Variants in GRIN2A observed in about 807,000 individuals in gnomAD.
The protein encoded by GRIN2A is glutamate ionotropic receptor NMDA type subunit 2A.
GRIN2A carries 22 observed loss-of-function variants against 113.4 expected under a neutral mutation model. The ratio of observed to expected loss-of-function variants is 0.19; its 90% CI spans 0.14 to 0.28. The LOEUF is 0.28. GRIN2A is among the 10% of genes least tolerant of loss of function. GRIN2A has a pLI of 1.00. For missense variants in GRIN2A, 1,502 were observed against 1,887.0 expected, an observed-to-expected ratio of 0.80 and a Z score of 3.78; for synonymous variants, 827 against 738.4, an observed-to-expected ratio of 1.12 and a Z score of -1.94.
intron 2 of GRIN2A, among the ~76,000 whole-genome samples, chr16:10,018,206 C>A (rs1342310087): frequency 6.6e-6 from 1 of 152,162 alleles, no homozygotes; most frequent in Non-Finnish European, 1.5e-5. Flanking sequence ...GGAGGCAAAG[C>A]AGATGCACGT....
intron 11 of GRIN2A, among the ~76,000 whole-genome samples, chr16:9,775,367 T>G (rs1596390440): frequency 6.6e-6 from 1 of 152,338 alleles, no homozygotes; most frequent in East Asian, 1.9e-4. Context: ...CATTTGTTTT[T>G]TTTCTTTACT....
At chr16:10,077,850 T>C (rs2047905333) in intron 2 of GRIN2A, among the ~76,000 whole-genome samples, 1 of 149,102 alleles carries the variant, frequency 6.7e-6, no homozygotes, top group South Asian at 2.1e-4. Context: ...CCAAATACCA[T>C]TTTTTTTGGT....
intron 11 of GRIN2A, among the ~76,000 whole-genome samples, chr16:9,796,243 A>G (rs181512382): frequency 1.1e-4 from 16 of 152,330 alleles, no homozygotes; most frequent in African/African-American, 3.9e-4. Flanking sequence ...GCCAAATGAA[A>G]TACATCTTAA....
rs2045242222 is a variant in GRIN2A at position 9,953,895 on chromosome 16, G to A, written c.415-15344C>T. ...GTGGTCCAGAGGAGTGAAGGAGGCA[G>A]AAGTAGTAAAGGGGACAGTGGAGGA... is the stretch of plus-strand genomic sequence containing the variant. On this transcript the variant is annotated intron_variant, in intron 2 of 12. Coordinates refer to ENST00000330684, the MANE Select transcript of GRIN2A (RefSeq NM_001134407.3). 3.9e-5 allele frequency among the ~76,000 whole-genome samples: 6 copies of A among 152,284 alleles called. No individual in the cohort carries two copies. In the South Asian group the frequency reaches 1.2e-3, roughly 32 times the overall value.
chr16:9,928,679 C>T (rs1447501208), intron 3 of GRIN2A, among the ~76,000 whole-genome samples: 1 of 151,978 alleles, frequency 6.6e-6, no homozygotes, highest in Non-Finnish European at 1.5e-5. Flanking sequence ...ACTCAAAGCC[C>T]CATCACCTCC....
intron 4 of GRIN2A, among the ~76,000 whole-genome samples, chr16:9,887,880 G>A (rs1351689340): frequency 6.6e-6 from 1 of 152,134 alleles, no homozygotes; most frequent in Non-Finnish European, 1.5e-5. Flanking sequence ...CCAACATGGT[G>A]CAACTATCTC....
chr16:9,869,408 G>C (rs1197840919), intron 4 of GRIN2A, among the ~76,000 whole-genome samples: 2 of 152,104 alleles, frequency 1.3e-5, no homozygotes, highest in Non-Finnish European at 2.9e-5. Context: ...ACTCCAGCCT[G>C]GGCAACAGAG....
intron 10 of GRIN2A, among the ~76,000 whole-genome samples, chr16:9,816,311 T>C (rs927284284): frequency 1.3e-5 from 2 of 152,160 alleles, no homozygotes; most frequent in South Asian, 2.1e-4. Context: ...AAAAAGACAA[T>C]CCTCTCTTCC....
At chr16:10,078,571 G>C (rs1371584618) in intron 2 of GRIN2A, among the ~76,000 whole-genome samples, 2 of 152,026 alleles carry the variant, frequency 1.3e-5, no homozygotes, top group African/African-American at 4.8e-5. Context: ...CCAGCCCCTG[G>C]GGGCAGGAGA....
intron 2 of GRIN2A, among the ~76,000 whole-genome samples, chr16:10,023,492 G>A (rs1393971970): frequency 2.0e-5 from 3 of 152,188 alleles, no homozygotes; most frequent in South Asian, 4.1e-4. Flanking sequence ...CTTAAAACCA[G>A]TAAGAGAACA....
chr16:9,784,951 C>G (rs964178465), intron 11 of GRIN2A, among the ~76,000 whole-genome samples: 7 of 152,120 alleles, frequency 4.6e-5, no homozygotes, highest in East Asian at 1.9e-4. Flanking sequence ...ACAGGTGCTG[C>G]AGAGGATGTG....
rs987616693 is a variant in GRIN2A, at chr16:10,040,802, C to T, written c.415-102251G>A. Among the ~76,000 whole-genome samples the T allele has an allele frequency of 4.6e-5, 7 of 152,248 alleles. 1 individual carries two copies. The highest frequency in any genetic ancestry group is 6.5e-5 in the Admixed American group (1 of 15,286). The stretch of plus-strand genomic sequence containing the variant: ...TCCGACACTGCATCTGCCTCTGTTC[C>T]TGAATAAGCCGCTCTGGAGGCTGGA... On this transcript the variant is annotated intron_variant, in intron 2 of 12. Coordinates refer to ENST00000330684, the MANE Select transcript of GRIN2A (RefSeq NM_001134407.3).
At chr16:9,939,507 C>T (rs2044806417) in intron 2 of GRIN2A, among the ~76,000 whole-genome samples, 1 of 152,172 alleles carries the variant, frequency 6.6e-6, no homozygotes, top group Non-Finnish European at 1.5e-5. Context: ...CTAACATCTC[C>T]ACCCATCTAC....
intron 2 of GRIN2A, among the ~76,000 whole-genome samples, chr16:10,145,284 T>G (rs2049416589): frequency 6.6e-6 from 1 of 152,196 alleles, no homozygotes; most frequent in African/African-American, 2.4e-5. Context: ...CAAACTGTAT[T>G]CTGCCCTTAA....
intron 2 of GRIN2A, among the ~76,000 whole-genome samples, chr16:10,163,852 C>G (rs965969912): frequency 1.3e-5 from 2 of 152,236 alleles, no homozygotes; most frequent in African/African-American, 4.8e-5. Flanking sequence ...GGCAATATCC[C>G]TTTCCTATCA....
chr16:10,049,545 T>C (rs2047320519), intron 2 of GRIN2A, among the ~76,000 whole-genome samples: 1 of 152,010 alleles, frequency 6.6e-6, no homozygotes, highest in African/African-American at 2.4e-5. Context: ...GCCCACCTAA[T>C]TTTTTGTATT....
intron 9 of GRIN2A, among the ~76,000 whole-genome samples, chr16:9,823,161 G>A (rs1487195000): frequency 2.0e-5 from 3 of 152,150 alleles, no homozygotes. Context: ...CTGATGGATT[G>A]GATGATTCTG....
At chr16:10,078,951 A>G (rs1236310166) in intron 2 of GRIN2A, among the ~76,000 whole-genome samples, 1 of 152,198 alleles carries the variant, frequency 6.6e-6, no homozygotes, top group East Asian at 1.9e-4. Context: ...TCTGTTTTTC[A>G]CCAGCCATGA....
At chr16:10,076,974 T>A (rs1468979707) in intron 2 of GRIN2A, among the ~76,000 whole-genome samples, 1 of 152,212 alleles carries the variant, frequency 6.6e-6, no homozygotes, top group Non-Finnish European at 1.5e-5. Flanking sequence ...CTGGATGACC[T>A]GCGTGGGGCC....
Sources: allele counts gnomAD v4.1 joint callset (sites outside exome capture counted in the v4.1 genomes callset), GRCh38; gene constraint gnomAD v4.1.1; transcripts MANE v1.5; gene names NCBI Gene and HGNC (gene_info 2026-07-23, HGNC 2026-07-21).